The following LRRC36 variants were observed in gnomAD, a reference collection of about 807,000 sequenced individuals.
LRRC36 encodes the protein leucine-rich repeat-containing protein 36.
In LRRC36, 62 loss-of-function variants were observed where a neutral mutation model predicts 81.1. The ratio of observed to expected loss-of-function variants is 0.76; its 90% CI spans 0.62 to 0.94. LRRC36 has a LOEUF of 0.94. Ranked by LOEUF, LRRC36 falls within the 40% of genes least tolerant of loss-of-function variation. The pLI is 0.00. For synonymous variants in LRRC36, 334 were observed against 348.6 expected, an observed-to-expected ratio of 0.96 and a Z score of 0.47; for missense variants, 761 against 881.7, an observed-to-expected ratio of 0.86 and a Z score of 1.73.
intron 1 of LRRC36, among the ~76,000 whole-genome samples, chr16:67,332,827 C>T (rs1439906656): frequency 1.3e-5 from 2 of 151,952 alleles, no homozygotes; most frequent in African/African-American, 2.4e-5. Context: ...TCATAACATA[C>T]CACAGAATTA....
intron 5 of LRRC36, among the ~76,000 whole-genome samples, chr16:67,352,021 G>A (rs1212101584): frequency 6.6e-6 from 1 of 152,018 alleles, no homozygotes; most frequent in East Asian, 1.9e-4. Context: ...AAAATACATT[G>A]AAGCATAATT....
intron 1 of LRRC36, among the ~76,000 whole-genome samples, chr16:67,338,474 C>A (rs1290205590): frequency 6.6e-6 from 1 of 152,110 alleles, no homozygotes; most frequent in East Asian, 1.9e-4. Flanking sequence ...AATAGTCTTT[C>A]ATCAAATTTT....
chr16:67,368,596 A>T (rs2039503344), intron 8 of LRRC36, among the ~76,000 whole-genome samples: 1 of 152,248 alleles, frequency 6.6e-6, no homozygotes, highest in African/African-American at 2.4e-5. Context: ...GAAGTAAGAA[A>T]GATGCCAGAC....
chr16:67,353,632 G>A (rs548212602), intron 5 of LRRC36, among the ~76,000 whole-genome samples: 4 of 152,156 alleles, frequency 2.6e-5, no homozygotes, highest in East Asian at 1.9e-4. Flanking sequence ...AGTGACCCAC[G>A]TTCCTCGGCC....
intron 8 of LRRC36, 52 bp from the exon 9 acceptor site, chr16:67,370,892 G>A: frequency 6.7e-7 from 1 of 1,496,226 alleles, no homozygotes; most frequent in African/African-American, 1.4e-5. Flanking sequence ...ATAGAAGTGA[G>A]ACATGAGGCA....
intron 1 of LRRC36, among the ~76,000 whole-genome samples, chr16:67,337,018 C>T (rs1280930330): frequency 6.6e-6 from 1 of 152,142 alleles, no homozygotes; most frequent in Non-Finnish European, 1.5e-5. Context: ...ATCTGCCTGC[C>T]TTGGCCTCCC....
chr16:67,338,865 A>T (rs1204831036), intron 1 of LRRC36, among the ~76,000 whole-genome samples: 3 of 45,374 alleles, frequency 6.6e-5, no homozygotes, highest in East Asian at 6.5e-4. Context: ...TGGAAGCTGA[A>T]TTTTTTTTTT....
chr16:67,327,055 A>C, intron 1 of LRRC36, 123 bp downstream of exon 1: 28 of 459,912 alleles, frequency 6.1e-5, no homozygotes, highest in East Asian at 3.7e-4. Context: ...GCGGTACCTG[A>C]GGCTGGGGGG....
At chr16:67,335,927 T>A (rs769206019) in intron 1 of LRRC36, among the ~76,000 whole-genome samples, 1 of 152,146 alleles carries the variant, frequency 6.6e-6, no homozygotes, top group Non-Finnish European at 1.5e-5. Context: ...AGACAGGGTT[T>A]CTCCAGGTTG....
chr16:67,354,931 A>G (rs2038829664), intron 5 of LRRC36, among the ~76,000 whole-genome samples: 1 of 152,088 alleles, frequency 6.6e-6, no homozygotes, highest in South Asian at 2.1e-4. Flanking sequence ...CATCCTCTCT[A>G]ATCCCTGGCA....
Position 67,346,305 on chromosome 16 carries a change from A to C in LRRC36, c.248A>C (p.Asn83Thr), listed in dbSNP as rs752228471. ...SLQDLNLYYN[N>T]IPSLVEVSRL... ...CAAGACCTGAATTTATATTATAACA[A>C]CATTCCTTCATTAGTGGAAGTGTCC... Residue 83 changes from asparagine to threonine, a missense_variant, in exon 3 of 14, where the codon AAC (asparagine) becomes ACC (threonine). Asn to Thr is a moderately conservative substitution (Grantham distance 65). Transcript: ENST00000329956. 6.2e-7 allele frequency: 1 copy of C among 1,611,584 alleles called. No homozygotes were observed. Among genetic ancestry groups the C allele is most frequent in the African/African-American group, 1.3e-5 (1 of 74,888 alleles).
chr16:67,366,424 G>A (rs1182781120), intron 7 of LRRC36, among the ~76,000 whole-genome samples: 2 of 152,070 alleles, frequency 1.3e-5, no homozygotes, highest in Non-Finnish European at 2.9e-5. Context: ...AGACCAGCAT[G>A]GCCAACATGG....
chr16:67,366,926 A>G (rs2039421907), intron 7 of LRRC36, 91 bp from the exon 8 acceptor site: 1 of 999,528 alleles, frequency 1.0e-6, no homozygotes, highest in African/African-American at 1.6e-5. Context: ...TTTCTGGCAG[A>G]CAGAGAATAT....
In LRRC36 at chr16:67,341,120, T is replaced by C. The variant is rs542878043; in HGVS notation, c.71-837T>C. Among the ~76,000 whole-genome samples, 140 of 113,624 alleles carry C rather than the reference T, an allele frequency of 1.2e-3. 5 individuals are homozygous for C. The highest frequency in any genetic ancestry group is 4.7e-3 in the African/African-American group (127 of 27,004). 74.5% of individuals were successfully genotyped at this position (113,624 alleles called of 152,430 possible). A position where few individuals can be genotyped will look rare whatever the true frequency, so the allele number is the denominator to read the frequency against. On this transcript the variant is annotated intron_variant, in intron 1 of 13. Coordinates refer to ENST00000329956, the MANE Select transcript of LRRC36 (RefSeq NM_018296.6). The stretch of plus-strand genomic sequence containing the variant: ...TATGTACTCTACATATTCTATAGAA[T>C]ATGTACTCTACATATTCTATAGAAT...
At chr16:67,351,208 C>A (rs918400844) in intron 5 of LRRC36, among the ~76,000 whole-genome samples, 1 of 152,112 alleles carries the variant, frequency 6.6e-6, no homozygotes, top group African/African-American at 2.4e-5. Context: ...AAATATTCTT[C>A]GGTCTCAGTG....
chr16:67,380,280 T>C (rs1243451698), intron 12 of LRRC36, among the ~76,000 whole-genome samples: 6 of 152,192 alleles, frequency 3.9e-5, no homozygotes, highest in Non-Finnish European at 7.3e-5. Flanking sequence ...TTTTGTTACA[T>C]AAATCACTCC....
At chr16:67,337,575 G>A (rs1360579430) in intron 1 of LRRC36, among the ~76,000 whole-genome samples, 1 of 151,178 alleles carries the variant, frequency 6.6e-6, no homozygotes, top group Non-Finnish European at 1.5e-5. Context: ...GGTCAGTCTG[G>A]TCTCAAACTC....
chr16:67,368,471 C>A lies in LRRC36; in HGVS notation c.1195+1014C>A, dbSNP rs563242592. Among the ~76,000 whole-genome samples, 27 of 152,296 alleles carry A rather than the reference C, an allele frequency of 1.8e-4. 1 individual carries two copies. Among genetic ancestry groups the A allele is most frequent in the Admixed American group, 1.2e-3 (19 of 15,300 alleles). ...AAGCCATGTGGGTCTGGGAGGAGAACTTTCTAGACAGTGGGAATAAATGCA... is the reference window on the plus strand; with the variant it reads ...AAGCCATGTGGGTCTGGGAGGAGAAATTTCTAGACAGTGGGAATAAATGCA... On this transcript the variant is annotated intron_variant, in intron 8 of 13. Coordinates refer to ENST00000329956, the MANE Select transcript of LRRC36 (RefSeq NM_018296.6).
chr16:67,335,578 A>G (rs1333113601), intron 1 of LRRC36, among the ~76,000 whole-genome samples: 1 of 152,204 alleles, frequency 6.6e-6, no homozygotes, highest in Admixed American at 6.5e-5. Context: ...CGGAATTAAG[A>G]GATTAAAGTA....
Sources: allele counts gnomAD v4.1 joint callset (sites outside exome capture counted in the v4.1 genomes callset), GRCh38; gene constraint gnomAD v4.1.1; transcripts MANE v1.5; gene names NCBI Gene and HGNC (gene_info 2026-07-23, HGNC 2026-07-21).